The following NEGR1 variants were observed in gnomAD, a reference collection of about 807,000 sequenced individuals.
NEGR1 encodes IgLON family member 4.
In NEGR1, 10 loss-of-function variants were observed where a neutral mutation model predicts 40.9. That is an observed-to-expected ratio of 0.24 (90% confidence interval 0.15 to 0.42). The LOEUF (loss-of-function observed/expected upper bound fraction) is 0.42. Ranked by LOEUF, NEGR1 falls within the 10% of genes least tolerant of loss-of-function variation. NEGR1 has a pLI of 1.00. For synonymous variants in NEGR1, 185 were observed against 166.8 expected (o/e 1.11, Z -0.84); for missense variants, 352 against 438.9 (o/e 0.80, Z 1.77).
intron 1 of NEGR1, among the ~76,000 whole-genome samples, chr1:72,277,018 T>C (rs1656073171): frequency 6.6e-6 from 1 of 152,072 alleles, no homozygotes; most frequent in African/African-American, 2.4e-5. Flanking sequence ...CAGTTGGAAG[T>C]TGGAACAAAA....
At chr1:71,688,698 C>A (rs973208429) in intron 4 of NEGR1, among the ~76,000 whole-genome samples, 2 of 151,926 alleles carry the variant, frequency 1.3e-5, no homozygotes, top group African/African-American at 4.8e-5. Flanking sequence ...CTGAGGTGAT[C>A]CACCTTCCTT....
intron 1 of NEGR1, among the ~76,000 whole-genome samples, chr1:72,147,732 G>C (rs944253882): frequency 9.9e-5 from 15 of 152,082 alleles, no homozygotes; most frequent in Non-Finnish European, 1.8e-4. Context: ...AATACAATGG[G>C]GTTGCAGGTA....
chr1:71,685,865 C>G (rs1016862040), intron 4 of NEGR1, among the ~76,000 whole-genome samples: 1 of 152,074 alleles, frequency 6.6e-6, no homozygotes, highest in Non-Finnish European at 1.5e-5. Context: ...TTTGAAGAAA[C>G]TTATGAAATC....
intron 6 of NEGR1, among the ~76,000 whole-genome samples, chr1:71,555,060 G>T (rs1301640091): frequency 6.6e-6 from 1 of 151,550 alleles, no homozygotes; most frequent in African/African-American, 2.4e-5. Flanking sequence ...GCCTTCCTAA[G>T]GAGCAGCCAC....
intron 1 of NEGR1, among the ~76,000 whole-genome samples, chr1:71,987,479 A>T (rs925637602): frequency 6.6e-6 from 1 of 152,196 alleles, no homozygotes; most frequent in Non-Finnish European, 1.5e-5. Context: ...CGCCGACCAA[A>T]TAGTACACTG....
At chr1:72,252,065 T>C (rs1244860973) in intron 1 of NEGR1, among the ~76,000 whole-genome samples, 5 of 152,068 alleles carry the variant, frequency 3.3e-5, no homozygotes, top group Non-Finnish European at 7.3e-5. Flanking sequence ...TCCTAAAGCA[T>C]CCATTTGTGA....
chr1:71,648,579 C>T (rs994460918), intron 4 of NEGR1, among the ~76,000 whole-genome samples: 6 of 151,954 alleles, frequency 3.9e-5, no homozygotes, highest in Non-Finnish European at 7.4e-5. Flanking sequence ...TCTGGCTTTT[C>T]GAACAAGATG....
rs910027380 is a variant in NEGR1 at position 71,775,378 on chromosome 1, G to T, written c.535+794C>A. The stretch of plus-strand genomic sequence containing the variant: ...TTTTTTTTTTTTGAGACAGGGTCTT[G>T]CTCCGCACCCAGGCTGGAGTGCACT... On this transcript the variant is annotated intron_variant, in intron 3 of 6. Transcript: ENST00000357731. 2.1e-5 allele frequency among the ~76,000 whole-genome samples: 3 copies of T among 144,262 alleles called. No individual in the cohort carries two copies. The South Asian group carries it at 6.6e-4, about 32-fold the overall frequency. 94.6% of individuals were successfully genotyped at this position (144,262 alleles called of 152,430 possible).
intron 2 of NEGR1, among the ~76,000 whole-genome samples, chr1:71,924,096 G>T (rs538543379): frequency 1.3e-5 from 2 of 151,982 alleles, no homozygotes; most frequent in African/African-American, 4.8e-5. Context: ...TCCCCGTGTT[G>T]TCCAGGATGG....
At chr1:71,917,392 T>C (rs1200193595) in intron 2 of NEGR1, among the ~76,000 whole-genome samples, 1 of 152,204 alleles carries the variant, frequency 6.6e-6, no homozygotes, top group Non-Finnish European at 1.5e-5. Flanking sequence ...GGCTTCAGTA[T>C]GTTACATGAA....
intron 3 of NEGR1, among the ~76,000 whole-genome samples, chr1:71,730,419 C>T (rs1654820618): frequency 2.0e-5 from 3 of 151,450 alleles, no homozygotes; most frequent in African/African-American, 4.8e-5. Flanking sequence ...TCGAGTAAAA[C>T]TTAATAGGAC....
intron 1 of NEGR1, among the ~76,000 whole-genome samples, chr1:71,983,093 T>G (rs1329352007): frequency 2.0e-5 from 3 of 152,154 alleles, no homozygotes; most frequent in Admixed American, 6.5e-5. Context: ...TTTAATAGTT[T>G]AGTCATACAG....
intron 4 of NEGR1, among the ~76,000 whole-genome samples, chr1:71,690,951 G>A (rs1653257666): frequency 6.6e-6 from 1 of 151,760 alleles, no homozygotes; most frequent in African/African-American, 2.4e-5. Context: ...TCACTTTTAG[G>A]AAAAGGAGAA....
At chr1:71,923,378 C>G (rs1250859365) in intron 2 of NEGR1, among the ~76,000 whole-genome samples, 3 of 151,964 alleles carry the variant, frequency 2.0e-5, no homozygotes, top group African/African-American at 4.8e-5. Flanking sequence ...CACTCTCTCT[C>G]TCTCTCTCAC....
chr1:71,614,908 T>C (rs1344816387), intron 4 of NEGR1, among the ~76,000 whole-genome samples: 2 of 152,304 alleles, frequency 1.3e-5, no homozygotes, highest in Admixed American at 6.5e-5. Context: ...ATCTAGGGCT[T>C]CGTGGGCTGC....
chr1:72,079,067 C>T (rs1448914474), intron 1 of NEGR1, among the ~76,000 whole-genome samples: 2 of 133,188 alleles, frequency 1.5e-5, no homozygotes, highest in Non-Finnish European at 1.6e-5. Context: ...AGATATATGT[C>T]AATGGTTACA....
chr1:72,115,703 C>T lies in NEGR1; in HGVS notation c.176+166616G>A, dbSNP rs189312621. 9.2e-5 allele frequency among the ~76,000 whole-genome samples: 14 copies of T among 151,698 alleles called. No individual in the cohort carries two copies. In the East Asian group the frequency reaches 1.8e-3, roughly 19 times the overall value. ...GCTCTCCAGGTATTTAGTGGGTATA[C>T]GGGAAGTACCCTGGTGACAATACAC... On this transcript the variant is annotated intron_variant, in intron 1 of 6. Transcript: ENST00000357731.
intron 2 of NEGR1, among the ~76,000 whole-genome samples, chr1:71,906,782 T>C (rs555740713): frequency 3.9e-5 from 6 of 152,280 alleles, no homozygotes; most frequent in Admixed American, 2.0e-4. Context: ...GTGAAGTGTA[T>C]AATTCACATC....
At position 71,692,683 on chromosome 1, in the gene NEGR1, C is replaced by T. The variant is rs1312559445; in HGVS notation, c.667+5325G>A. On this transcript the variant is annotated intron_variant, in intron 4 of 6. Coordinates refer to ENST00000357731, the MANE Select transcript of NEGR1 (RefSeq NM_173808.3). ...CATTTCAAGCTTCCGTATAATTGTA[C>T]TAAGTTATACTAATTGGAACATTCA... Among the ~76,000 whole-genome samples the T allele has an allele frequency of 2.0e-5, 3 of 151,778 alleles. No individual in the cohort carries two copies. In the Admixed American group the frequency reaches 2.0e-4, roughly 10 times the overall value.
Sources: allele counts gnomAD v4.1 joint callset (sites outside exome capture counted in the v4.1 genomes callset), GRCh38; gene constraint gnomAD v4.1.1; transcripts MANE v1.5; gene names NCBI Gene and HGNC (gene_info 2026-07-23, HGNC 2026-07-21).